TENM2: variants seen among roughly 807,000 people sequenced by gnomAD.
The protein encoded by TENM2 is teneurin transmembrane protein 2.
A neutral mutation model predicts 245.2 loss-of-function variants in TENM2; 52 were observed. That is an observed-to-expected ratio of 0.21 (90% CI 0.17 to 0.27). The LOEUF is 0.27. TENM2 is among the 10% of genes least tolerant of loss of function. The pLI is 1.00. For synonymous variants in TENM2, 1,363 were observed against 1,438.9 expected, an observed-to-expected ratio of 0.95 and a Z score of 1.19; for missense variants, 3,046 against 3,666.8, an observed-to-expected ratio of 0.83 and a Z score of 4.37.
At chr5:167,200,299 C>G in the TENM2 span, among the ~76,000 whole-genome samples, 1 of 152,006 alleles carries the variant, frequency 6.6e-6, no homozygotes, top group African/African-American at 2.4e-5. Context: ...CTCATTTTCC[C>G]AGCATGAGGG....
At chr5:167,711,516 T>C (rs1011335262) in intron 2 of TENM2, among the ~76,000 whole-genome samples, 44 of 151,968 alleles carry the variant, frequency 2.9e-4, no homozygotes, top group East Asian at 3.9e-4. Context: ...CAATCTGCTT[T>C]ACAGTGACTT....
At chr5:167,630,538 C>T (rs1481998133) in intron 2 of TENM2, among the ~76,000 whole-genome samples, 8 of 152,172 alleles carry the variant, frequency 5.3e-5, no homozygotes, top group Admixed American at 5.2e-4. Flanking sequence ...GTAACTGAAA[C>T]TGCACGAAGT....
chr5:167,691,777 A>T (rs761503320), intron 2 of TENM2, among the ~76,000 whole-genome samples: 16 of 151,894 alleles, frequency 1.1e-4, no homozygotes, highest in Non-Finnish European at 2.4e-4. Context: ...GAGAGTCTTC[A>T]GGAAATTGAT....
chr5:167,765,741 G>A (rs1037193415), intron 2 of TENM2, among the ~76,000 whole-genome samples: 11 of 152,136 alleles, frequency 7.2e-5, no homozygotes, highest in Admixed American at 3.9e-4. Flanking sequence ...TTTTCAGGCC[G>A]AAGATGCACA....
Position 168,204,484 on chromosome 5 carries a change from C to T in TENM2, c.3687C>T (p.Asn1229=), listed in dbSNP as rs199906775. 1.1e-3 allele frequency: 1,716 copies of T among 1,614,044 alleles called. 4 individuals are homozygous for T. Among genetic ancestry groups the T allele is most frequent in the South Asian group, 1.4e-3 (125 of 91,080 alleles). ...GGAGCATTTCCTGTCCCAGCTGCAACGGCCTTGCTGAAGGCAACAAGCTGC... is the reference window on the plus strand; with the variant it reads ...GGAGCATTTCCTGTCCCAGCTGCAATGGCCTTGCTGAAGGCAACAAGCTGC... The change falls in exon 19 of 29, where the codon AAC becomes AAT. Residue 1229 remains asparagine, a synonymous_variant. Coordinates refer to ENST00000518659, the Ensembl canonical transcript of TENM2.
At chr5:168,145,911 G>A (rs1756028826) in intron 12 of TENM2, among the ~76,000 whole-genome samples, 7 of 139,904 alleles carry the variant, frequency 5.0e-5, no homozygotes, top group Non-Finnish European at 7.7e-5. Context: ...TTGTAAGTTG[G>A]ATTCCTAGGT....
chr5:167,996,424 C>T (rs1405862679), intron 5 of TENM2, among the ~76,000 whole-genome samples: 2 of 152,170 alleles, frequency 1.3e-5, no homozygotes, highest in Admixed American at 6.5e-5. Flanking sequence ...TTGTGCATCA[C>T]TCAGGCCCTG....
chr5:167,538,094 A>G (rs1771965212), intron 2 of TENM2, among the ~76,000 whole-genome samples: 2 of 152,232 alleles, frequency 1.3e-5, no homozygotes, highest in Non-Finnish European at 1.5e-5. Context: ...CTCATCGGCA[A>G]AATGGGACAA....
At chr5:168,107,866 T>G (rs1241822910) in intron 9 of TENM2, among the ~76,000 whole-genome samples, 1 of 152,224 alleles carries the variant, frequency 6.6e-6, no homozygotes, top group African/African-American at 2.4e-5. Context: ...CACCCTCAGA[T>G]ATGACCCTGC....
At chr5:167,691,980 CG>C (rs982475708) in intron 2 of TENM2, among the ~76,000 whole-genome samples, 5 of 152,138 alleles carry the variant, frequency 3.3e-5, no homozygotes, top group African/African-American at 1.2e-4. Flanking sequence ...GCACCATTTG[CG>C]GGAGAGGAGT....
Position 168,247,933 on chromosome 5 carries a change from A to G in TENM2, c.6994A>G (p.Ile2332Val). 1.2e-6 allele frequency: 2 copies of G among 1,613,932 alleles called. No individual in the cohort carries two copies. Among genetic ancestry groups the G allele is most frequent in the Non-Finnish European group, 1.7e-6 (2 of 1,179,872 alleles). ...CTCTGACCTCCACAACCCGACGCGCATCACCCATGTCTACAATCACTCCAA... is the reference window on the plus strand; with the variant it reads ...CTCTGACCTCCACAACCCGACGCGCGTCACCCATGTCTACAATCACTCCAA... The change falls in exon 27 of 29, where the codon ATC (isoleucine) becomes GTC (valine). Residue 2332 changes from isoleucine (I) to valine (V), a missense_variant. Ile to Val is a conservative substitution (Grantham distance 29, BLOSUM62 3). Transcript: ENST00000518659. This position sits in a 1 kb window ranked among gnomAD's most constrained non-coding sequence, Gnocchi z 7.8.
chr5:167,874,784 G>T (rs1387264937), intron 2 of TENM2, among the ~76,000 whole-genome samples: 1 of 152,230 alleles, frequency 6.6e-6, no homozygotes, highest in Non-Finnish European at 1.5e-5. Context: ...CAGCCTCTGT[G>T]TGGGAGGACA....
At chr5:167,146,047 C>T in the TENM2 span, among the ~76,000 whole-genome samples, 5 of 152,108 alleles carry the variant, frequency 3.3e-5, no homozygotes, top group Non-Finnish European at 7.4e-5. Context: ...ATTCCCCTGC[C>T]ATTCTGAGTT....
chr5:167,461,938 A>G (rs1445504033), intron 2 of TENM2, among the ~76,000 whole-genome samples: 8 of 152,154 alleles, frequency 5.3e-5, no homozygotes, highest in Non-Finnish European at 1.0e-4. Flanking sequence ...AACAGATTTG[A>G]GGGATTAATG....
At chr5:167,083,861 A>G in the TENM2 span, among the ~76,000 whole-genome samples, 6,325 of 152,224 alleles carry the variant, frequency 0.042, 176 homozygotes, top group South Asian at 0.089. Context: ...AGGACATGGA[A>G]CAGGATGATT....
chr5:168,228,844 A>T (rs1290597200), intron 25 of TENM2, among the ~76,000 whole-genome samples: 7 of 148,914 alleles, frequency 4.7e-5, no homozygotes, highest in Non-Finnish European at 8.9e-5. Context: ...ACCAATATAT[A>T]ACATTAATTA....
chr5:167,349,027 GT>G (rs1434023153), intron 1 of TENM2, among the ~76,000 whole-genome samples: 1 of 152,154 alleles, frequency 6.6e-6, no homozygotes, highest in African/African-American at 2.4e-5. Flanking sequence ...TTGAGGTATA[GT>G]TTACAAATTA....
At chr5:167,009,121 G>A in the TENM2 span, among the ~76,000 whole-genome samples, 9 of 151,672 alleles carry the variant, frequency 5.9e-5, no homozygotes, top group East Asian at 1.9e-4. Context: ...CAACAGAGAC[G>A]TGAGCTCCAA....
rs11345222 is a variant in TENM2 at position 167,868,736 on chromosome 5, T to TAA, written c.503-7229_503-7228dup. ...GAGTGACAGATAGTGAGATTCTGTCTAAAAAAAAAAAAAAAAAAAAAATCA... is the reference window on the plus strand; with the variant it reads ...GAGTGACAGATAGTGAGATTCTGTCTAAAAAAAAAAAAAAAAAAAAAAAATCA... On this transcript the variant is annotated intron_variant, in intron 2 of 28. Coordinates refer to ENST00000518659, the Ensembl canonical transcript of TENM2. 7.1e-3 allele frequency among the ~76,000 whole-genome samples: 879 copies of TAA among 123,396 alleles called. 9 individuals carry two copies. Among genetic ancestry groups the TAA allele is most frequent in the East Asian group, 0.015 (62 of 4,120 alleles). 81.0% of individuals were successfully genotyped at this position (123,396 alleles called of 152,430 possible). A position where few individuals can be genotyped will look rare whatever the true frequency, so the allele number is the denominator to read the frequency against.
Sources: gnomAD v4.1 joint callset for allele counts (sites outside exome capture counted in the v4.1 genomes callset) on GRCh38, gnomAD v4.1.1 for gene constraint, Gnocchi (gnomAD v3.1) non-coding constraint, MANE v1.5 for transcripts, NCBI Gene and HGNC (gene_info 2026-07-23, HGNC 2026-07-21) for gene names.